Variants in CCDC33 observed in about 807,000 individuals in gnomAD.
CCDC33 encodes the protein coiled-coil domain containing 33, also known as coiled-coil domain-containing protein 33.
CCDC33 carries 94 observed loss-of-function variants against 91.9 expected under a neutral mutation model. The ratio of observed to expected loss-of-function variants is 1.02; its 90% CI spans 0.87 to 1.21. The LOEUF (loss-of-function observed/expected upper bound fraction) is 1.21. Among genes scored for constraint, CCDC33 ranks in the 50% most tolerant of loss-of-function variants. The pLI is 0.00. For synonymous variants in CCDC33, 396 were observed against 374.5 expected (o/e 1.06, Z -0.66); for missense variants, 940 against 935.5 (o/e 1.00, Z -0.06).
chr15:74,310,546 A>G (rs949455305), intron 11 of CCDC33, among the ~76,000 whole-genome samples: 1 of 150,190 alleles, frequency 6.7e-6, no homozygotes, highest in African/African-American at 2.5e-5. Context: ...AAAAAAAAAA[A>G]AAAAAAAGAA....
intron 11 of CCDC33, among the ~76,000 whole-genome samples, chr15:74,305,690 T>C (rs2059880519): frequency 6.6e-6 from 1 of 152,214 alleles, no homozygotes. Context: ...ACCTACTCAT[T>C]CATTCATTTC....
intron 10 of CCDC33, among the ~76,000 whole-genome samples, chr15:74,295,074 A>G (rs1223136196): frequency 6.6e-6 from 1 of 152,232 alleles, no homozygotes; most frequent in East Asian, 1.9e-4. Context: ...GATGAAATGG[A>G]AAATAGGTCT....
intron 2 of CCDC33, among the ~76,000 whole-genome samples, chr15:74,254,866 G>A (rs191209386): frequency 1.6e-4 from 24 of 150,930 alleles, no homozygotes; most frequent in African/African-American, 5.6e-4. Context: ...TCCTGCCTCA[G>A]CCTCCTGAGT....
rs372085616 is a variant in CCDC33 at position 74,322,745 on chromosome 15, C to A, written c.1291-7444C>A. ...CCCACCACAGGCTGAAGCTGAGTGTCTGTGGGAGGCGGCTGCCCTCTGCTG... is the reference window on the plus strand; with the variant it reads ...CCCACCACAGGCTGAAGCTGAGTGTATGTGGGAGGCGGCTGCCCTCTGCTG... On this transcript the variant is annotated intron_variant, in intron 11 of 18. Coordinates refer to ENST00000398814, the MANE Select transcript of CCDC33 (RefSeq NM_025055.5). Among the ~76,000 whole-genome samples, 218 of 152,330 alleles carry A rather than the reference C, an allele frequency of 1.4e-3. 1 individual carries two copies. The highest frequency in any genetic ancestry group is 5.0e-3 in the African/African-American group (207 of 41,560).
intron 2 of CCDC33, among the ~76,000 whole-genome samples, chr15:74,227,935 C>T (rs2074851440): frequency 6.6e-6 from 1 of 151,938 alleles, no homozygotes; most frequent in Non-Finnish European, 1.5e-5. Context: ...CAAAGACTTC[C>T]AGAACACAGG....
At chr15:74,252,069 A>G (rs1358399190) in intron 2 of CCDC33, among the ~76,000 whole-genome samples, 5 of 152,300 alleles carry the variant, frequency 3.3e-5, no homozygotes, top group Middle Eastern at 3.4e-3. Context: ...TCACAGAACT[A>G]GTTAGTACCC....
chr15:74,258,715 C>T (rs545500765), intron 2 of CCDC33, among the ~76,000 whole-genome samples: 89 of 152,264 alleles, frequency 5.8e-4, no homozygotes, highest in African/African-American at 2.0e-3. Context: ...AGGGGGAAAG[C>T]GGCTCATGAG....
chr15:74,305,762 C>T (rs909899784), intron 11 of CCDC33, among the ~76,000 whole-genome samples: 4 of 152,194 alleles, frequency 2.6e-5, no homozygotes, highest in African/African-American at 4.8e-5. Context: ...GGGTTTTGAG[C>T]ATCTACTCTG....
chr15:74,221,811 C>T (rs1345888363), intron 2 of CCDC33, among the ~76,000 whole-genome samples: 1 of 152,132 alleles, frequency 6.6e-6, no homozygotes, highest in East Asian at 1.9e-4. Flanking sequence ...CCCAGAGGCT[C>T]AGGGTGCTTC....
intron 16 of CCDC33, chr15:74,333,346 T>C (rs779345221): frequency 8.4e-6 from 13 of 1,538,762 alleles, no homozygotes; most frequent in Non-Finnish European, 1.1e-5. Flanking sequence ...GGCCCAGAAA[T>C]GCCCAGGCCC....
At chr15:74,312,135 G>C (rs2060004235) in intron 11 of CCDC33, among the ~76,000 whole-genome samples, 1 of 152,214 alleles carries the variant, frequency 6.6e-6, no homozygotes, top group African/African-American at 2.4e-5. Context: ...TCAGAGTCCA[G>C]AAGGACTGGC....
At chr15:74,206,912 C>T (rs1036442844) in intron 1 of CCDC33, among the ~76,000 whole-genome samples, 2 of 152,238 alleles carry the variant, frequency 1.3e-5, no homozygotes, top group East Asian at 1.9e-4. Context: ...ACCAGCAGGT[C>T]TCCCAACTGG....
At chr15:74,271,907 AC>A in intron 6 of CCDC33, 113 bp downstream of exon 6, 1 of 820,692 alleles carries the variant, frequency 1.2e-6, no homozygotes, top group South Asian at 1.6e-5. Flanking sequence ...CAACCCCTCT[AC>A]CCCTAAGGCC....
intron 2 of CCDC33, among the ~76,000 whole-genome samples, chr15:74,249,963 C>A (rs1188307697): frequency 6.6e-6 from 1 of 152,188 alleles, no homozygotes; most frequent in African/African-American, 2.4e-5. Context: ...GTCTACCTGA[C>A]CTTAAATGTT....
At chr15:74,217,504 C>T in exon 1 of CCDC33, 1 of 1,289,122 alleles carries the variant, frequency 7.8e-7, no homozygotes, top group Non-Finnish European at 1.0e-6. Flanking sequence ...TCTGCTATCA[C>T]TGATGTCATT....
intron 10 of CCDC33, among the ~76,000 whole-genome samples, chr15:74,288,836 A>C (rs1427637035): frequency 6.6e-6 from 1 of 152,218 alleles, no homozygotes; most frequent in Non-Finnish European, 1.5e-5. Flanking sequence ...CCTGGGCTTG[A>C]ATCTGGATCT....
At chr15:74,282,385 C>A (rs2142506112) in intron 10 of CCDC33, among the ~76,000 whole-genome samples, 1 of 152,292 alleles carries the variant, frequency 6.6e-6, no homozygotes, top group Admixed American at 6.5e-5. Flanking sequence ...TCAGCCGGGG[C>A]AGCTCTCAGC....
chr15:74,335,156 A>G (rs757485966), intron 18 of CCDC33, 68 bp downstream of exon 18: 15 of 1,203,860 alleles, frequency 1.2e-5, no homozygotes, highest in Non-Finnish European at 1.7e-5. Context: ...CGCACCCCCA[A>G]AGTCACTGGG....
chr15:74,268,039 G>A (rs1293507991), intron 4 of CCDC33, among the ~76,000 whole-genome samples: 3 of 152,308 alleles, frequency 2.0e-5, no homozygotes, highest in East Asian at 3.9e-4. Context: ...AATTCTGGGG[G>A]CATCACCCAG....
Sources: gnomAD v4.1 joint callset for allele counts (sites outside exome capture counted in the v4.1 genomes callset) on GRCh38, gnomAD v4.1.1 for gene constraint, MANE v1.5 for transcripts, NCBI Gene and HGNC (gene_info 2026-07-23, HGNC 2026-07-21) for gene names.